The following ARHGAP8 variants were observed in gnomAD, a reference collection of about 807,000 sequenced individuals.
ARHGAP8 encodes the protein Rho GTPase activating protein 8, also known as rho GTPase-activating protein 8.
In ARHGAP8, 62 loss-of-function variants were observed where a neutral mutation model predicts 46.1. The ratio of observed to expected loss-of-function variants is 1.34; its 90% confidence interval spans 1.10 to 1.66. The LOEUF is 1.66. ARHGAP8 is among the 40% of genes most tolerant of loss of function. The pLI, the probability that ARHGAP8 is intolerant of heterozygous loss-of-function variation, is 0.00. For missense variants in ARHGAP8, 923 were observed against 568.4 expected (o/e 1.62, Z -6.34); for synonymous variants, 375 against 243.1 (o/e 1.54, Z -5.05).
chr22:44,790,813 A>G (rs1428439806), intron 2 of ARHGAP8, among the ~76,000 whole-genome samples: 1 of 150,424 alleles, frequency 6.6e-6, no homozygotes, highest in Non-Finnish European at 1.5e-5. Flanking sequence ...GCTCACTGCA[A>G]TGTCCGCCTC....
intron 5 of ARHGAP8, among the ~76,000 whole-genome samples, chr22:44,820,854 CGCTGGT>C (rs1457404043): frequency 6.6e-6 from 1 of 151,992 alleles, no homozygotes; most frequent in Admixed American, 6.5e-5. Context: ...AACCACCTGG[CGCTGGT>C]GCTGGCGCTG....
At position 44,862,757 on chromosome 22, in the gene ARHGAP8, T is replaced by TC; in HGVS notation, c.*164dup. On this transcript the variant is annotated 3_prime_UTR_variant, in exon 12 of 12. Coordinates refer to ENST00000356099, the MANE Select transcript of ARHGAP8 (RefSeq NM_181335.3). The stretch of plus-strand genomic sequence containing the variant: ...TGGTCCTTGGACTCTTGTCCATGGT[T>TC]CCTGAGCTGTGGACCGGGATAGAAT... The TC allele has an allele frequency of 1.2e-6, 1 of 864,516 alleles. No homozygotes were observed. The highest frequency in any genetic ancestry group is 1.7e-6 in the Non-Finnish European group (1 of 594,176). The allele number at this position is 864,516 out of a possible 1,614,324, so 53.6% of individuals were successfully genotyped here.
intron 8 of ARHGAP8, among the ~76,000 whole-genome samples, chr22:44,847,270 T>G (rs1302192478): frequency 6.6e-6 from 1 of 152,194 alleles, no homozygotes; most frequent in Non-Finnish European, 1.5e-5. Context: ...ATGAGCCAAT[T>G]ACAAGCACTG....
At chr22:44,844,456 GATTTT>G (rs1232956061) in intron 7 of ARHGAP8, among the ~76,000 whole-genome samples, 7 of 151,914 alleles carry the variant, frequency 4.6e-5, no homozygotes, top group African/African-American at 1.2e-4. Flanking sequence ...TCTCAGATTG[GATTTT>G]ATTTTATTTT....
chr22:44,790,744 T>C (rs1394866629), intron 2 of ARHGAP8, among the ~76,000 whole-genome samples: 1 of 151,028 alleles, frequency 6.6e-6, no homozygotes. Context: ...TTTTTTTTTT[T>C]TTTTTGGAGA....
intron 2 of ARHGAP8, among the ~76,000 whole-genome samples, chr22:44,801,352 G>C (rs542299199): frequency 1.1e-5 from 1 of 88,834 alleles, no homozygotes; most frequent in Non-Finnish European, 2.1e-5. Context: ...ACCTCTCCCC[G>C]CAGCTGTCTA....
At chr22:44,804,200 G>A (rs969329425) in intron 3 of ARHGAP8, among the ~76,000 whole-genome samples, 13 of 152,216 alleles carry the variant, frequency 8.5e-5, no homozygotes, top group African/African-American at 2.9e-4. Context: ...GGCCTTGGGC[G>A]CCCTGTCATC....
At chr22:44,808,509 A>G in intron 4 of ARHGAP8, 71 bp downstream of exon 4, 1 of 1,573,000 alleles carries the variant, frequency 6.4e-7, no homozygotes, top group Non-Finnish European at 8.6e-7. Context: ...TGTGGCCACA[A>G]GGGGTCGCAG....
intron 7 of ARHGAP8, among the ~76,000 whole-genome samples, chr22:44,838,554 G>T (rs1384374047): frequency 6.6e-6 from 1 of 152,250 alleles, no homozygotes; most frequent in East Asian, 1.9e-4. Context: ...GATTATAGGC[G>T]TGAGCCACCA....
chr22:44,845,972 C>G (rs943533518), intron 8 of ARHGAP8, among the ~76,000 whole-genome samples: 75 of 152,082 alleles, frequency 4.9e-4, no homozygotes, highest in Non-Finnish European at 2.1e-4. Context: ...AGCCTGGGTG[C>G]TGCAGCGCAG....
At chr22:44,807,763 C>T (rs1423948771) in intron 3 of ARHGAP8, among the ~76,000 whole-genome samples, 1 of 152,234 alleles carries the variant, frequency 6.6e-6, no homozygotes, top group African/African-American at 2.4e-5. Flanking sequence ...AGAAGCCCTT[C>T]CTTGCCTGTC....
rs570902655 is a variant in ARHGAP8, at chr22:44,826,818, C to A, written c.596+1225C>A. Among the ~76,000 whole-genome samples, 11 of 152,274 alleles carry A rather than the reference C, an allele frequency of 7.2e-5. No individual in the cohort carries two copies. In the East Asian group the frequency reaches 2.1e-3, roughly 29 times the overall value. On this transcript the variant is annotated intron_variant, in intron 7 of 11. Coordinates refer to ENST00000356099, the MANE Select transcript of ARHGAP8 (RefSeq NM_181335.3). ...GCCAGGGGAGGAGGTGCATCGGTCA[C>A]CTGCCCTTACTGAGCCATGTGGGCA... is the stretch of plus-strand genomic sequence containing the variant.
chr22:44,810,529 T>G (rs1384689437), intron 4 of ARHGAP8, among the ~76,000 whole-genome samples: 1 of 152,222 alleles, frequency 6.6e-6, no homozygotes, highest in African/African-American at 2.4e-5. Context: ...CGTGAGCCAC[T>G]GTGCCCAGCC....
At chr22:44,808,517 C>T (rs1181935856) in intron 4 of ARHGAP8, 79 bp downstream of exon 4, 3 of 1,564,310 alleles carry the variant, frequency 1.9e-6, no homozygotes, top group South Asian at 1.2e-5. Context: ...CAAGGGGTCG[C>T]AGAGTGTGCA....
chr22:44,771,242 A>ATTTTTTTTTTTTTTT, intron 1 of ARHGAP8, among the ~76,000 whole-genome samples: 1 of 108,322 alleles, frequency 9.2e-6, no homozygotes, highest in Non-Finnish European at 1.8e-5. Flanking sequence ...TTGCAAGTAA[A>ATTTTTTTTTTTTTTT]TTTTTTTTTT....
chr22:44,856,448 A>T (rs900891436), intron 10 of ARHGAP8, among the ~76,000 whole-genome samples: 3 of 151,588 alleles, frequency 2.0e-5, no homozygotes, highest in African/African-American at 7.3e-5. Context: ...TAATTTTTGT[A>T]TTTTTAGTAG....
At chr22:44,793,543 T>C (rs1403920035) in intron 2 of ARHGAP8, among the ~76,000 whole-genome samples, 8 of 152,164 alleles carry the variant, frequency 5.3e-5, no homozygotes, top group South Asian at 2.1e-4. Context: ...ACAAAAACCA[T>C]AGCAAACTTG....
chr22:44,836,682 A>C (rs1183445974), intron 7 of ARHGAP8, among the ~76,000 whole-genome samples: 1 of 151,404 alleles, frequency 6.6e-6, no homozygotes, highest in African/African-American at 2.4e-5. Flanking sequence ...CAGTGGTGCA[A>C]GCTGCAGCCA....
intron 7 of ARHGAP8, among the ~76,000 whole-genome samples, chr22:44,840,787 G>C (rs965777328): frequency 6.6e-6 from 1 of 152,242 alleles, no homozygotes; most frequent in Non-Finnish European, 1.5e-5. Context: ...CTGCTTCCTG[G>C]TTCATAGATG....
Sources: gnomAD v4.1 joint callset for allele counts (sites outside exome capture counted in the v4.1 genomes callset) on GRCh38, gnomAD v4.1.1 for gene constraint, MANE v1.5 for transcripts, NCBI Gene and HGNC (gene_info 2026-07-23, HGNC 2026-07-21) for gene names.